The following ZBTB46 variants were observed in gnomAD, a reference collection of about 807,000 sequenced individuals.
ZBTB46 encodes zinc finger and BTB domain containing 46.
A neutral mutation model predicts 44.1 loss-of-function variants in ZBTB46; 8 were observed. That is an observed-to-expected ratio of 0.18 (90% CI 0.11 to 0.33). The LOEUF (loss-of-function observed/expected upper bound fraction) is 0.33. ZBTB46 is among the 10% of genes least tolerant of loss of function. ZBTB46 has a pLI of 1.00. For synonymous variants in ZBTB46, 409 were observed against 382.3 expected (o/e 1.07, Z -0.81); for missense variants, 651 against 847.7 (o/e 0.77, Z 2.88).
intron 3 of ZBTB46, among the ~76,000 whole-genome samples, chr20:63,762,830 T>A (rs1462033194): frequency 6.6e-6 from 1 of 152,230 alleles, no homozygotes; most frequent in Non-Finnish European, 1.5e-5. Context: ...ACTTTCTTTT[T>A]GGTTAGTGTT....
chr20:63,747,135 C>G lies in ZBTB46; in HGVS notation c.1565G>C (p.Gly522Ala), dbSNP rs1381876271. The change falls in exon 5 of 5, where the codon GGC becomes GCC. Residue 522 changes from glycine (G) to alanine (A), a missense_variant. Coordinates refer to ENST00000245663, the MANE Select transcript of ZBTB46 (RefSeq NM_001369741.1). ...PLDHGGGGGE[G>A]SPEALFPGDG... ...GCCTGGGAACAGCGCCTCTGGAGAGCCCTCGCCGCCTCCGCCGCCATGGTC... is the reference window on the plus strand; with the variant it reads ...GCCTGGGAACAGCGCCTCTGGAGAGGCCTCGCCGCCTCCGCCGCCATGGTC... 3 of 1,609,908 alleles carry G rather than the reference C, an allele frequency of 1.9e-6. No homozygotes were observed. Among genetic ancestry groups the G allele is most frequent in the Non-Finnish European group, 2.5e-6 (3 of 1,179,074 alleles).
At position 63,744,512 on chromosome 20, in the gene ZBTB46, TCTA is replaced by T. The variant is rs778942918; in HGVS notation, c.*2415_*2417del. On this transcript the variant is annotated 3_prime_UTR_variant, in exon 5 of 5. Coordinates refer to ENST00000245663, the MANE Select transcript of ZBTB46 (RefSeq NM_001369741.1). ...CAAAAATACAAAATGTGAAATGTAA[TCTA>T]CACATTTTTCCTCTTCATAAAAAAA... 2 of 152,042 alleles carry T rather than the reference TCTA, an allele frequency of 1.3e-5. No homozygotes were observed. Among genetic ancestry groups the T allele is most frequent in the Non-Finnish European group, 2.9e-5 (2 of 68,034 alleles). 9.4% of individuals were successfully genotyped at this position (152,042 alleles called of 1,614,324 possible).
chr20:63,773,474 G>C (rs2092393812), intron 3 of ZBTB46, among the ~76,000 whole-genome samples: 1 of 152,154 alleles, frequency 6.6e-6, no homozygotes, highest in South Asian at 2.1e-4. Flanking sequence ...CACACCAGCT[G>C]TACCTGGGGT....
chr20:63,786,756 C>T (rs1473751521), intron 2 of ZBTB46, among the ~76,000 whole-genome samples: 5 of 152,128 alleles, frequency 3.3e-5, no homozygotes, highest in Non-Finnish European at 7.4e-5. Flanking sequence ...GTGATCCGCC[C>T]GCCTTGGCCT....
rs1464010791 is a variant in ZBTB46 at position 63,787,229 on chromosome 20, C to T, written c.937+2592G>A. Among the ~76,000 whole-genome samples, 7 of 152,264 alleles carry T rather than the reference C, an allele frequency of 4.6e-5. No individual in the cohort carries two copies. The highest frequency in any genetic ancestry group is 2.1e-4 in the South Asian group (1 of 4,818). On this transcript the variant is annotated intron_variant, in intron 2 of 4. Transcript: ENST00000245663. This position sits in a 1 kb window ranked among gnomAD's most constrained non-coding sequence, Gnocchi z 4.6. ...GTGGTCCCGTAGATTAGAACGCAGC[C>T]GGGAAATTCCTGTCACCTGGTGGCG...
chr20:63,822,703 T>C (rs1358912823), intron 1 of ZBTB46, among the ~76,000 whole-genome samples: 9 of 152,064 alleles, frequency 5.9e-5, no homozygotes, highest in Admixed American at 1.3e-4. Context: ...GAGTGAAGCC[T>C]ACAGTGAGTC....
At chr20:63,749,446 C>T (rs1396171281) in intron 4 of ZBTB46, among the ~76,000 whole-genome samples, 1 of 152,206 alleles carries the variant, frequency 6.6e-6, no homozygotes, top group Non-Finnish European at 1.5e-5. Flanking sequence ...ATACCATTCT[C>T]CTGCCTCAGC....
intron 3 of ZBTB46, among the ~76,000 whole-genome samples, chr20:63,755,747 A>G (rs920483422): frequency 3.3e-5 from 5 of 152,252 alleles, no homozygotes; most frequent in Admixed American, 6.5e-5. Flanking sequence ...TTTACAGTCT[A>G]TATATCTTAG....
At chr20:63,764,613 T>C (rs2092303415) in intron 3 of ZBTB46, among the ~76,000 whole-genome samples, 1 of 151,954 alleles carries the variant, frequency 6.6e-6, no homozygotes, top group African/African-American at 2.4e-5. Context: ...CTGTTTTTTT[T>C]TTTTTTGAGA....
At chr20:63,766,158 G>A (rs1189614991) in intron 3 of ZBTB46, among the ~76,000 whole-genome samples, 1 of 150,672 alleles carries the variant, frequency 6.6e-6, no homozygotes, top group African/African-American at 2.4e-5. Flanking sequence ...TTCTGTCATG[G>A]TGCCCAGGTT....
At chr20:63,828,639 G>A (rs1031506138) in intron 1 of ZBTB46, among the ~76,000 whole-genome samples, 1 of 152,272 alleles carries the variant, frequency 6.6e-6, no homozygotes, top group Non-Finnish European at 1.5e-5. Context: ...CGGTACTTAG[G>A]CAAGAACACG....
At chr20:63,816,386 C>T (rs1396732313) in intron 1 of ZBTB46, 1 of 170,410 alleles carries the variant, frequency 5.9e-6, no homozygotes, top group Non-Finnish European at 1.2e-5. Context: ...AAGCATCTCC[C>T]CCATCTGCAT....
chr20:63,831,432 C>A (rs1404368945), upstream of ZBTB46, among the ~76,000 whole-genome samples: 1 of 143,696 alleles, frequency 7.0e-6, no homozygotes, highest in Non-Finnish European at 1.5e-5. Context: ...GCCCGGCCGC[C>A]GGCCCCGCCC....
intron 3 of ZBTB46, among the ~76,000 whole-genome samples, chr20:63,770,462 G>A (rs947734310): frequency 6.6e-6 from 1 of 152,176 alleles, no homozygotes; most frequent in East Asian, 1.9e-4. Flanking sequence ...AGAGATTGAT[G>A]GTCTAGTAAT....
At chr20:63,800,547 G>C (rs1568884660) in intron 1 of ZBTB46, among the ~76,000 whole-genome samples, 1 of 152,250 alleles carries the variant, frequency 6.6e-6, no homozygotes, top group East Asian at 1.9e-4. Context: ...CCCTCAGCTT[G>C]CGGGGAGGTG....
intron 1 of ZBTB46, among the ~76,000 whole-genome samples, chr20:63,804,804 A>C (rs946623645): frequency 4.6e-5 from 7 of 151,692 alleles, no homozygotes; most frequent in Non-Finnish European, 1.0e-4. Flanking sequence ...AGGCAGGAGA[A>C]TCGCTATAAC....
chr20:63,797,469 G>A (rs1055971174), intron 1 of ZBTB46, among the ~76,000 whole-genome samples: 15 of 152,184 alleles, frequency 9.9e-5, no homozygotes, highest in Non-Finnish European at 1.5e-4. Flanking sequence ...ACATACGTGT[G>A]CATGTGTCTT....
At chr20:63,817,968 G>A (rs1353860702) in intron 1 of ZBTB46, among the ~76,000 whole-genome samples, 3 of 152,272 alleles carry the variant, frequency 2.0e-5, no homozygotes, top group South Asian at 2.1e-4. Flanking sequence ...AGGCTCTACC[G>A]TTTTCAGCCA....
intron 3 of ZBTB46, 167 bp downstream of exon 3, chr20:63,775,511 C>T (rs1286632547): frequency 4.8e-5 from 42 of 868,492 alleles, no homozygotes; most frequent in Middle Eastern, 3.7e-4. Context: ...CCTGAGAGGC[C>T]AGTCCAGGCT....
Sources: gnomAD v4.1 joint callset for allele counts (sites outside exome capture counted in the v4.1 genomes callset) on GRCh38, gnomAD v4.1.1 for gene constraint, Gnocchi (gnomAD v3.1) non-coding constraint, MANE v1.5 for transcripts, NCBI Gene and HGNC (gene_info 2026-07-23, HGNC 2026-07-21) for gene names.